The following PPIP5K2 variants were observed in gnomAD, a reference collection of about 807,000 sequenced individuals.
PPIP5K2 encodes inositol hexakisphosphate and diphosphoinositol-pentakisphosphate kinase 2.
A neutral mutation model predicts 154.6 loss-of-function variants in PPIP5K2; 105 were observed. The observed-to-expected ratio is 0.68, with a 90% CI of 0.58 to 0.80. The LOEUF is 0.80. Ranked by LOEUF, PPIP5K2 falls within the 30% of genes least tolerant of loss-of-function variation. The pLI is 0.00. For synonymous variants in PPIP5K2, 480 were observed against 490.3 expected, an observed-to-expected ratio of 0.98 and a Z score of 0.28; for missense variants, 992 against 1,504.6, an observed-to-expected ratio of 0.66 and a Z score of 5.64.
chr5:103,121,417 C>G (rs901485895), intron 1 of PPIP5K2, among the ~76,000 whole-genome samples: 6 of 152,166 alleles, frequency 3.9e-5, no homozygotes, highest in African/African-American at 1.4e-4. Flanking sequence ...AACAGTCAAG[C>G]AACTTGCTCT....
chr5:103,193,565 T>C (rs1801597864), intron 29 of PPIP5K2, among the ~76,000 whole-genome samples: 2 of 151,880 alleles, frequency 1.3e-5, no homozygotes, highest in South Asian at 2.1e-4. Context: ...TGGAAGTTCA[T>C]AGAGTAGGGT....
At position 103,177,680 on chromosome 5, in the gene PPIP5K2, A is replaced by T. The variant is rs1554221387; in HGVS notation, c.2543A>T (p.Glu848Val). 1 of 1,606,604 alleles carries T rather than the reference A, an allele frequency of 6.2e-7. No individual in the cohort carries two copies. The highest frequency in any genetic ancestry group is 8.5e-7 in the Non-Finnish European group (1 of 1,176,868). The change falls in exon 22 of 31, where the codon GAA becomes GTA. Residue 848 changes from glutamate (E) to valine (V), a missense_variant. This residue lies in a region of PPIP5K2 where 157 missense variants were observed against 281.2 expected (regional missense o/e 0.56). Transcript: ENST00000358359. ...TCTTTTGTTCAGGAATCAAAGGATG[A>T]ACAGTGGAAACGAGCTATGGATTAT... Reference protein sequence around the residue: ...YGALCNESKDEQWKRAMDYLN... With the variant: ...YGALCNESKDVQWKRAMDYLN...
At chr5:103,152,232 A>G (rs1327073690) in intron 9 of PPIP5K2, among the ~76,000 whole-genome samples, 7 of 151,920 alleles carry the variant, frequency 4.6e-5, no homozygotes, top group African/African-American at 1.7e-4. Flanking sequence ...TTTTAACCCT[A>G]TTAGTATAGT....
At chr5:103,195,139 G>T (rs528570037) in intron 30 of PPIP5K2, 114 bp downstream of exon 30, 2 of 1,312,578 alleles carry the variant, frequency 1.5e-6, no homozygotes, top group African/African-American at 3.0e-5. Context: ...TCCCTAGAGC[G>T]TAATGATCCT....
chr5:103,175,288 A>AT (rs1427888688), intron 21 of PPIP5K2, among the ~76,000 whole-genome samples: 14 of 152,110 alleles, frequency 9.2e-5, no homozygotes, highest in Non-Finnish European at 2.1e-4. Flanking sequence ...TCCAATTAAA[A>AT]TTCCAAATCC....
chr5:103,125,943 C>T (rs1163941342), intron 1 of PPIP5K2, among the ~76,000 whole-genome samples: 1 of 152,152 alleles, frequency 6.6e-6, no homozygotes, highest in Non-Finnish European at 1.5e-5. Flanking sequence ...ACTATGGCTT[C>T]TCAGTCCTTT....
At chr5:103,130,086 A>G (rs1790366956) in intron 2 of PPIP5K2, among the ~76,000 whole-genome samples, 1 of 152,204 alleles carries the variant, frequency 6.6e-6, no homozygotes, top group South Asian at 2.1e-4. Flanking sequence ...TTACTTAAAT[A>G]GATTCATTAA....
At chr5:103,128,611 T>C (rs1270418349) in intron 1 of PPIP5K2, among the ~76,000 whole-genome samples, 1 of 152,154 alleles carries the variant, frequency 6.6e-6, no homozygotes, top group East Asian at 1.9e-4. Context: ...CGCCTGGTTA[T>C]GTGGAAGAGT....
At chr5:103,122,756 A>G (rs1178170756) in intron 1 of PPIP5K2, among the ~76,000 whole-genome samples, 3 of 152,184 alleles carry the variant, frequency 2.0e-5, no homozygotes, top group Non-Finnish European at 4.4e-5. Flanking sequence ...TTGAGAGCAG[A>G]GATTTACTAG....
At chr5:103,132,283 T>C (rs1554202872) in intron 2 of PPIP5K2, among the ~76,000 whole-genome samples, 2 of 152,156 alleles carry the variant, frequency 1.3e-5, no homozygotes, top group African/African-American at 4.8e-5. Flanking sequence ...AGCTCACGCC[T>C]GTAATCCCAG....
At position 103,120,454 on chromosome 5, in the gene PPIP5K2, C is replaced by T. The variant is rs1788455754; in HGVS notation, c.-319C>T. On this transcript the variant is annotated 5_prime_UTR_variant, in exon 1 of 31. Coordinates refer to ENST00000358359, the MANE Select transcript of PPIP5K2 (RefSeq NM_001276277.3). ...TAGACCTGAATGGGCTTGACCATCT[C>T]ACAACTGCTCGCGTGACGACCGCAT... The T allele has an allele frequency of 4.4e-6, 2 of 456,768 alleles. No individual in the cohort carries two copies. Among genetic ancestry groups the T allele is most frequent in the Non-Finnish European group, 8.8e-6 (2 of 226,972 alleles). The allele number at this position is 456,768 out of a possible 1,614,324, so 28.3% of individuals were successfully genotyped here.
rs1363175 is a variant in PPIP5K2 at position 103,156,481 on chromosome 5, C to A, written c.1489+487C>A. 8.7e-4 allele frequency among the ~76,000 whole-genome samples: 132 copies of A among 152,240 alleles called. 1 individual carries two copies. Among genetic ancestry groups the A allele is most frequent in the African/African-American group, 3.1e-3 (129 of 41,556 alleles). ...CCTAAGAGCAGTCAGTATCCACATT[C>A]ATAAATGCATTTACCTTACAAAAGA... On this transcript the variant is annotated intron_variant, in intron 14 of 30. Coordinates refer to ENST00000358359, the MANE Select transcript of PPIP5K2 (RefSeq NM_001276277.3).
At chr5:103,176,947 T>G in intron 21 of PPIP5K2, 1 of 1,415,516 alleles carries the variant, frequency 7.1e-7, no homozygotes, top group Non-Finnish European at 9.6e-7. Context: ...CTCCTTCTTC[T>G]GATTTTTGAA....
chr5:103,176,805 T>C, intron 21 of PPIP5K2: 1 of 988,876 alleles, frequency 1.0e-6, no homozygotes, highest in Non-Finnish European at 1.5e-6. Context: ...TTTGAATGCT[T>C]GTAGTACATG....
intron 17 of PPIP5K2, among the ~76,000 whole-genome samples, chr5:103,163,398 A>G (rs920333291): frequency 3.3e-5 from 5 of 151,926 alleles, no homozygotes; most frequent in African/African-American, 9.7e-5. Context: ...TGTTGTTGCT[A>G]TATAGAAATA....
chr5:103,121,509 C>T (rs967312985), intron 1 of PPIP5K2, among the ~76,000 whole-genome samples: 1 of 152,166 alleles, frequency 6.6e-6, no homozygotes, highest in Non-Finnish European at 1.5e-5. Context: ...ATTCTATTGT[C>T]CTGTCCTGTT....
intron 8 of PPIP5K2, among the ~76,000 whole-genome samples, chr5:103,150,694 C>T (rs782181956): frequency 5.5e-4 from 84 of 152,176 alleles, no homozygotes; most frequent in Non-Finnish European, 9.7e-4. Flanking sequence ...TTCCTTGAAC[C>T]TGGGAAGTGG....
At chr5:103,157,128 G>A (rs1273919131) in intron 14 of PPIP5K2, among the ~76,000 whole-genome samples, 2 of 152,050 alleles carry the variant, frequency 1.3e-5, no homozygotes, top group Admixed American at 1.3e-4. Context: ...AGGGGAAGGG[G>A]TGATTTCCTC....
At chr5:103,174,037 C>T (rs1798356976) in intron 21 of PPIP5K2, 65 bp downstream of exon 21, 3 of 1,203,800 alleles carry the variant, frequency 2.5e-6, no homozygotes, top group African/African-American at 1.6e-5. Context: ...TCACTAACTG[C>T]TATTTTTACT....
Sources: gnomAD v4.1 joint callset for allele counts (sites outside exome capture counted in the v4.1 genomes callset) on GRCh38, gnomAD v4.1.1 for gene constraint, gnomAD v4.1.1 regional missense constraint, MANE v1.5 for transcripts, NCBI Gene and HGNC (gene_info 2026-07-23, HGNC 2026-07-21) for gene names.